The following FUOM variants were observed in gnomAD, a reference collection of about 807,000 sequenced individuals.
FUOM encodes the protein protein fucU homolog.
Under a neutral mutation model 18.3 loss-of-function variants are expected in FUOM, and 19 were observed. That is an observed-to-expected ratio of 1.04 (90% CI 0.73 to 1.53). The LOEUF (loss-of-function observed/expected upper bound fraction) is 1.53, where lower values mean the gene tolerates loss of function less well. Ranked by LOEUF, FUOM falls within the 40% of genes most tolerant of loss-of-function variation. FUOM has a pLI of 0.00. For synonymous variants in FUOM, 102 were observed against 87.9 expected (o/e 1.16, Z -0.90); for missense variants, 210 against 200.9 (o/e 1.04, Z -0.27).
chr10:133,355,699 C>T (rs747544164), intron 5 of FUOM, 39 bp downstream of exon 5: 1 of 1,602,040 alleles, frequency 6.2e-7, no homozygotes, highest in African/African-American at 1.3e-5. Context: ...CCTGAGGCCC[C>T]AGTGGGGATG....
chr10:133,357,278 C>A (rs780851714), intron 1 of FUOM, 23 bp from the exon 2 acceptor site: 2 of 1,559,310 alleles, frequency 1.3e-6, no homozygotes, highest in Admixed American at 1.9e-5. Context: ...GAGGACAGCC[C>A]GTGTCGGCAC....
At chr10:133,353,618 C>T (rs1848718112), downstream of FUOM, among the ~76,000 whole-genome samples, 2 of 152,162 alleles carry the variant, frequency 1.3e-5, no homozygotes, top group African/African-American at 2.4e-5. Flanking sequence ...AGCAAATCCC[C>T]GCTCTCCCAG....
intron 5 of FUOM, 58 bp downstream of exon 5, chr10:133,355,680 G>A: frequency 6.3e-7 from 1 of 1,581,486 alleles, no homozygotes; most frequent in Non-Finnish European, 8.7e-7. Flanking sequence ...GGTGGGGATG[G>A]GGGCAGCTCC....
At chr10:133,357,278 C>G (rs780851714) in intron 1 of FUOM, 23 bp from the exon 2 acceptor site, 1 of 1,559,310 alleles carries the variant, frequency 6.4e-7, no homozygotes, top group Non-Finnish European at 8.7e-7. Flanking sequence ...GAGGACAGCC[C>G]GTGTCGGCAC....
chr10:133,353,138 C>T (rs59934104), downstream of FUOM, among the ~76,000 whole-genome samples: 1,061 of 152,276 alleles, frequency 7.0e-3, 20 homozygotes, highest in African/African-American at 0.024. Context: ...GGAGGGTGGC[C>T]GAGTGCCTGG....
intron 4 of FUOM, among the ~76,000 whole-genome samples, chr10:133,356,112 G>C (rs563902473): frequency 1.3e-4 from 20 of 152,280 alleles, no homozygotes; most frequent in African/African-American, 4.6e-4. Flanking sequence ...GGAGTCCCCT[G>C]CCCAGGACAA....
rs1848745169 is a variant in FUOM at position 133,355,174 on chromosome 10, G to A, written c.*196C>T. ...GAGCTGGAATTGGACTCTTGAGACT[G>A]AACGTTTTTCCATCATTTTCACAAA... On this transcript the variant is annotated 3_prime_UTR_variant, in exon 6 of 6. Transcript: ENST00000278025. 2 of 623,342 alleles carry A rather than the reference G, an allele frequency of 3.2e-6. No homozygotes were observed. The highest frequency in any genetic ancestry group is 5.6e-6 in the Non-Finnish European group (2 of 359,168). 38.6% of individuals were successfully genotyped at this position (623,342 alleles called of 1,614,324 possible).
chr10:133,356,620 A>T lies in FUOM; in HGVS notation c.324+20T>A. ...AGAGGGTCCCTGGCCTTTTCCCCACAACTGGGGCTGCAGGCTTACCACACA... is the reference window on the plus strand; with the variant it reads ...AGAGGGTCCCTGGCCTTTTCCCCACTACTGGGGCTGCAGGCTTACCACACA... On this transcript the variant is annotated intron_variant, in intron 4 of 5. Coordinates refer to ENST00000278025, the MANE Select transcript of FUOM (RefSeq NM_001098483.3). 6.6e-7 allele frequency: 1 copy of T among 1,518,086 alleles called. No homozygotes were observed. Among genetic ancestry groups the T allele is most frequent in the East Asian group, 2.3e-5 (1 of 42,870 alleles). 94.0% of individuals were successfully genotyped at this position (1,518,086 alleles called of 1,614,324 possible).
At chr10:133,357,653 G>T in intron 1 of FUOM, 1 of 500,956 alleles carries the variant, frequency 2.0e-6, no homozygotes, top group Non-Finnish European at 3.5e-6. Flanking sequence ...AAAAAGCGCC[G>T]AACCCTCGGG....
chr10:133,354,955 C>G (rs944089290), downstream of FUOM, among the ~76,000 whole-genome samples: 4 of 152,090 alleles, frequency 2.6e-5, no homozygotes, highest in Non-Finnish European at 4.4e-5. Flanking sequence ...GAAGTCCCCA[C>G]CCCTCTCAAG....
At chr10:133,357,648 G>A (rs1589874703) in intron 1 of FUOM, 1 of 498,930 alleles carries the variant, frequency 2.0e-6, no homozygotes, top group Non-Finnish European at 3.5e-6. Context: ...AGAAGAAAAA[G>A]CGCCGAACCC....
chr10:133,355,750 A>G lies in FUOM; in HGVS notation c.386T>C (p.Val129Ala). 2.5e-6 allele frequency: 4 copies of G among 1,613,344 alleles called. No individual in the cohort carries two copies. Among genetic ancestry groups the G allele is most frequent in the Non-Finnish European group, 3.4e-6 (4 of 1,179,986 alleles). Residue 129 changes from valine (V) to alanine (A), a missense_variant, in exon 5 of 6, where the codon GTT becomes GCT. Physicochemically the swap from Val to Ala is moderately conservative, Grantham distance 64. Transcript: ENST00000278025. ...AGCTGGAACTCACCCCGTTGCCACA[A>G]CAGCAAAAGCCTTCTTAGCCCGTTC... ...FYERAKKAFA[V>A]VATGETALYG...
At position 133,357,210 on chromosome 10, in the gene FUOM, C is replaced by T; in HGVS notation, c.131G>A (p.Gly44Glu). The T allele has an allele frequency of 6.3e-7, 1 of 1,582,452 alleles. No homozygotes were observed. Among genetic ancestry groups the T allele is most frequent in the Admixed American group, 1.8e-5 (1 of 56,210 alleles). The part of the protein sequence containing the change: ...NFPASSICQC[G>E]PMEIRADGLG... ...ACCGTCTGCACGGATCTCCATGGGC[C>T]CACACTGGCAGATGGAGGAGGCCGG... Residue 44 changes from glycine to glutamate, a missense_variant, in exon 2 of 6, where the codon GGG (glycine) becomes GAG (glutamate). Transcript: ENST00000278025.
chr10:133,353,114 G>C (rs560752859), downstream of FUOM, among the ~76,000 whole-genome samples: 3 of 152,238 alleles, frequency 2.0e-5, no homozygotes, highest in Non-Finnish European at 4.4e-5. Flanking sequence ...AGGAGCCTGA[G>C]ACAGGGTCGG....
At chr10:133,354,809 C>T (rs1455062784), downstream of FUOM, among the ~76,000 whole-genome samples, 2 of 152,206 alleles carry the variant, frequency 1.3e-5, no homozygotes, top group Non-Finnish European at 1.5e-5. Flanking sequence ...AGGGCATGGC[C>T]CACACCGAGG....
At position 133,355,810 on chromosome 10, in the gene FUOM, CTCTGGAAGACAAAA is replaced by C. The variant is rs1414371942; in HGVS notation, c.325-13_325del. 9.3e-6 allele frequency: 15 copies of C among 1,612,606 alleles called. No homozygotes were observed. The highest frequency in any genetic ancestry group is 1.3e-5 in the Non-Finnish European group (15 of 1,179,762). On this transcript the variant is annotated splice_acceptor_variant and splice_polypyrimidine_tract_variant and coding_sequence_variant and intron_variant, in exon 5 of 6. Coordinates refer to ENST00000278025, the MANE Select transcript of FUOM (RefSeq NM_001098483.3). LOFTEE classifies it high-confidence loss of function. ...AAACCTCTCTATCTTTGCCAGGGCT[CTCTGGAAGACAAAA>C]TGGCAGGGTTGGAGGGAACCCTGCC...
rs772321257 is a variant in FUOM at position 133,355,548 on chromosome 10, G to A, written c.399-112C>T. ...CCCTGTCCACCTTCACCCACTTGATGCTCAGGCAAATGGGGGCCCTGCCCC... is the reference window on the plus strand; with the variant it reads ...CCCTGTCCACCTTCACCCACTTGATACTCAGGCAAATGGGGGCCCTGCCCC... On this transcript the variant is annotated intron_variant, in intron 5 of 5. Coordinates refer to ENST00000278025, the MANE Select transcript of FUOM (RefSeq NM_001098483.3). 9 of 1,609,794 alleles carry A rather than the reference G, an allele frequency of 5.6e-6. No individual in the cohort carries two copies. The South Asian group carries it at 9.9e-5, about 18-fold the overall frequency.
In FUOM at chr10:133,357,997, A is replaced by G; in HGVS notation, c.11T>C (p.Leu4Pro). Residue 4 changes from leucine to proline, a missense_variant, in exon 1 of 6, where the codon CTG becomes CCG. Physicochemically the swap from Leu to Pro is moderately conservative, Grantham distance 98. Transcript: ENST00000278025. Reference protein sequence around the residue: MVALKGVPALLSPE... With the variant: MVAPKGVPALLSPE... ...GGACAGCAGTGCGGGGACACCCTTC[A>G]GCGCCACCATGGCCCGGCAGACGGG... The G allele has an allele frequency of 6.6e-7, 1 of 1,506,604 alleles. No individual in the cohort carries two copies. The highest frequency in any genetic ancestry group is 8.8e-7 in the Non-Finnish European group (1 of 1,132,432). 93.3% of individuals were successfully genotyped at this position (1,506,604 alleles called of 1,614,324 possible). A position where few individuals can be genotyped will look rare whatever the true frequency, so the allele number is the denominator to read the frequency against.
chr10:133,356,929 G>A lies in FUOM; in HGVS notation c.225+14C>T, dbSNP rs1458456765. 9 of 1,549,578 alleles carry A rather than the reference G, an allele frequency of 5.8e-6. No homozygotes were observed. The highest frequency in any genetic ancestry group is 1.2e-5 in the South Asian group (1 of 84,036). ...GCACGGAGCAGCAGGGTGCAGGGGCGACTCAGCCCTCACCGGACTCTCCAC... is the reference window on the plus strand; with the variant it reads ...GCACGGAGCAGCAGGGTGCAGGGGCAACTCAGCCCTCACCGGACTCTCCAC... On this transcript the variant is annotated intron_variant, in intron 3 of 5. Transcript: ENST00000278025.
Sources: allele counts gnomAD v4.1 joint callset (sites outside exome capture counted in the v4.1 genomes callset), GRCh38; gene constraint gnomAD v4.1.1; transcripts MANE v1.5; gene names NCBI Gene and HGNC (gene_info 2026-07-23, HGNC 2026-07-21).